The following HHAT variants were observed in gnomAD, a reference collection of about 807,000 sequenced individuals.
HHAT encodes the protein hedgehog acyltransferase, also known as protein-cysteine N-palmitoyltransferase HHAT.
A neutral mutation model predicts 70.8 loss-of-function variants in HHAT; 47 were observed. The ratio of observed to expected loss-of-function variants is 0.66; its 90% CI spans 0.53 to 0.85. HHAT has a LOEUF of 0.85. HHAT is among the 40% of genes least tolerant of loss of function. The probability of loss-of-function intolerance (pLI) is 0.00; values close to 1 mark genes in which losing one functional copy is unlikely to be tolerated. For synonymous variants in HHAT, 228 were observed against 247.6 expected (o/e 0.92, Z 0.74); for missense variants, 609 against 604.8 (o/e 1.01, Z -0.07).
intron 1 of HHAT, among the ~76,000 whole-genome samples, chr1:210,333,678 G>A (rs1419562039): frequency 2.7e-5 from 4 of 150,460 alleles, no homozygotes; most frequent in Admixed American, 2.6e-4. Context: ...TTTTTTCTGA[G>A]ACAGCGTCTC....
chr1:210,649,062 G>C (rs534622884), intron 11 of HHAT, among the ~76,000 whole-genome samples: 1 of 152,184 alleles, frequency 6.6e-6, no homozygotes, highest in African/African-American at 2.4e-5. Context: ...AGCTTCCTTG[G>C]AATCAGCCCA....
At chr1:210,668,584 C>A (rs1374137296) in intron 11 of HHAT, among the ~76,000 whole-genome samples, 1 of 152,204 alleles carries the variant, frequency 6.6e-6, no homozygotes, top group East Asian at 1.9e-4. Context: ...CCTCCCCAGC[C>A]ATGTGGAACT....
intron 1 of HHAT, among the ~76,000 whole-genome samples, chr1:210,345,442 T>C (rs1056809678): frequency 2.0e-5 from 3 of 152,224 alleles, no homozygotes; most frequent in African/African-American, 7.2e-5. Flanking sequence ...CTTATAATTT[T>C]TGCTTTGCAA....
intron 7 of HHAT, among the ~76,000 whole-genome samples, chr1:210,423,730 G>A (rs1328185000): frequency 6.6e-6 from 1 of 152,104 alleles, no homozygotes; most frequent in Non-Finnish European, 1.5e-5. Context: ...GTGAGAGGTG[G>A]GGGTCTGGTT....
chr1:210,567,698 A>G (rs564813178), intron 9 of HHAT, among the ~76,000 whole-genome samples: 2 of 152,212 alleles, frequency 1.3e-5, no homozygotes, highest in East Asian at 3.9e-4. Context: ...CATAGATTAG[A>G]AAATTTATGT....
chr1:210,424,800 G>A (rs1214247360), intron 7 of HHAT, among the ~76,000 whole-genome samples: 1 of 152,104 alleles, frequency 6.6e-6, no homozygotes, highest in Non-Finnish European at 1.5e-5. Context: ...GAATAGTGTT[G>A]CAATGAACAT....
chr1:210,501,397 T>A (rs2094751349), intron 8 of HHAT, among the ~76,000 whole-genome samples: 1 of 152,188 alleles, frequency 6.6e-6, no homozygotes, highest in African/African-American at 2.4e-5. Context: ...CATTGGAGTT[T>A]GGGCAGGAAA....
At position 210,554,219 on chromosome 1, in the gene HHAT, G is replaced by A. The variant is rs187419391; in HGVS notation, c.1044-33679G>A. 1.8e-3 allele frequency among the ~76,000 whole-genome samples: 272 copies of A among 152,288 alleles called. 1 individual carries two copies. The highest frequency in any genetic ancestry group is 9.3e-3 in the South Asian group (45 of 4,820). On this transcript the variant is annotated intron_variant, in intron 9 of 11. Transcript: ENST00000261458. The stretch of plus-strand genomic sequence containing the variant: ...TATAATGAAAGTTTTGTTCACTGCT[G>A]CATCCTCAGTGCCCCTTTTAAGGTC...
chr1:210,411,236 C>T (rs535447823), intron 6 of HHAT, among the ~76,000 whole-genome samples: 10 of 152,296 alleles, frequency 6.6e-5, no homozygotes, highest in South Asian at 2.1e-4. Context: ...TCTCTCCACT[C>T]CCTGGGATGG....
chr1:210,461,955 G>A (rs2148429982), intron 7 of HHAT, among the ~76,000 whole-genome samples: 1 of 152,162 alleles, frequency 6.6e-6, no homozygotes, highest in East Asian at 1.9e-4. Context: ...ATTATATTTA[G>A]CAGTAGAGTT....
At chr1:210,585,872 G>A (rs1037965173) in intron 9 of HHAT, among the ~76,000 whole-genome samples, 1 of 152,198 alleles carries the variant, frequency 6.6e-6, no homozygotes, top group African/African-American at 2.4e-5. Flanking sequence ...AAGGCAGCCA[G>A]GGTGATCAGA....
At chr1:210,492,017 C>G (rs776095528) in intron 8 of HHAT, among the ~76,000 whole-genome samples, 1 of 152,182 alleles carries the variant, frequency 6.6e-6, no homozygotes, top group African/African-American at 2.4e-5. Context: ...CCTGCCTCGG[C>G]CTCCCAAAGT....
intron 5 of HHAT, among the ~76,000 whole-genome samples, chr1:210,402,165 A>G (rs2092107322): frequency 6.6e-6 from 1 of 152,192 alleles, no homozygotes; most frequent in African/African-American, 2.4e-5. Context: ...CAAGAACACA[A>G]GTCCAAGGCC....
chr1:210,444,971 A>G (rs536896392), intron 7 of HHAT, among the ~76,000 whole-genome samples: 1 of 151,974 alleles, frequency 6.6e-6, no homozygotes, highest in South Asian at 2.1e-4. Flanking sequence ...TCCTGAGTAG[A>G]TGGGATTACA....
chr1:210,354,195 C>CTTTTTTTT (rs71146220), intron 2 of HHAT, among the ~76,000 whole-genome samples: 1 of 102,614 alleles, frequency 9.7e-6, no homozygotes, highest in African/African-American at 4.2e-5. Flanking sequence ...AACATAATGT[C>CTTTTTTTT]TTTTTTTTTT....
At chr1:210,565,222 A>T (rs186833606) in intron 9 of HHAT, among the ~76,000 whole-genome samples, 7 of 152,310 alleles carry the variant, frequency 4.6e-5, no homozygotes, top group Middle Eastern at 3.4e-3. Flanking sequence ...GATGATGTAT[A>T]TGGTTCGGGA....
intron 11 of HHAT, among the ~76,000 whole-genome samples, chr1:210,633,997 GTTACATTT>G (rs1671383587): frequency 6.6e-6 from 1 of 152,152 alleles, no homozygotes; most frequent in South Asian, 2.1e-4. Flanking sequence ...ATATTTTTTG[GTTACATTT>G]TTACATGACC....
chr1:210,412,693 TG>T (rs1369237740), intron 6 of HHAT, among the ~76,000 whole-genome samples: 3 of 152,136 alleles, frequency 2.0e-5, no homozygotes, highest in Non-Finnish European at 4.4e-5. Context: ...TCTGGACACA[TG>T]GTGGTGGGGA....
At chr1:210,599,982 A>C (rs544117145) in intron 10 of HHAT, among the ~76,000 whole-genome samples, 4 of 152,212 alleles carry the variant, frequency 2.6e-5, no homozygotes, top group African/African-American at 7.2e-5. Flanking sequence ...CAACACAGGT[A>C]CTTCCATCTC....
Sources: allele counts gnomAD v4.1 joint callset (sites outside exome capture counted in the v4.1 genomes callset), GRCh38; gene constraint gnomAD v4.1.1; transcripts MANE v1.5; gene names NCBI Gene and HGNC (gene_info 2026-07-23, HGNC 2026-07-21).